HMCES: variants seen among roughly 807,000 people sequenced by gnomAD.
HMCES encodes 5-hydroxymethylcytosine binding, ES cell specific.
HMCES carries 27 observed loss-of-function variants against 35.1 expected under a neutral mutation model. The ratio of observed to expected loss-of-function variants is 0.77; its 90% CI spans 0.57 to 1.06. The LOEUF (loss-of-function observed/expected upper bound fraction) is 1.06, where lower values mean the gene tolerates loss of function less well. Ranked by LOEUF, HMCES falls within the 50% of genes least tolerant of loss-of-function variation. HMCES has a pLI of 0.00. For missense variants in HMCES, 391 were observed against 430.4 expected, an observed-to-expected ratio of 0.91 and a Z score of 0.81; for synonymous variants, 130 against 154.7, an observed-to-expected ratio of 0.84 and a Z score of 1.18.
chr3:129,297,089 G>A (rs1278520717), intron 4 of HMCES, among the ~76,000 whole-genome samples: 1 of 152,174 alleles, frequency 6.6e-6, no homozygotes, highest in Non-Finnish European at 1.5e-5. Context: ...GTTATCCAGT[G>A]TTTAGGGTAA....
chr3:129,304,557 G>A (rs747077575), intron 6 of HMCES, 32 bp from the exon 7 acceptor site: 6 of 1,582,950 alleles, frequency 3.8e-6, no homozygotes, highest in East Asian at 2.2e-5. Context: ...AGCTTGAGCT[G>A]TATGGTTTGA....
chr3:129,296,859 C>T (rs1434986768), intron 4 of HMCES, among the ~76,000 whole-genome samples: 1 of 152,018 alleles, frequency 6.6e-6, no homozygotes, highest in African/African-American at 2.4e-5. Flanking sequence ...CCGCCTCAGC[C>T]TCCCGAGTAG....
At chr3:129,284,672 G>A (rs1316892995) in intron 2 of HMCES, among the ~76,000 whole-genome samples, 1 of 152,142 alleles carries the variant, frequency 6.6e-6, no homozygotes, top group Non-Finnish European at 1.5e-5. Context: ...TGGGAGGCTG[G>A]GAGGCTGAGG....
chr3:129,295,434 C>CAA lies in HMCES; in HGVS notation c.454-2910_454-2909dup, dbSNP rs112901732. ...CCTAGGTGACACAGTGAGACTCTAT[C>CAA]AAAAAAAAAAACAAAAAAAACCCCA... On this transcript the variant is annotated intron_variant, in intron 4 of 6. Coordinates refer to ENST00000383463, the MANE Select transcript of HMCES (RefSeq NM_020187.3). Among the ~76,000 whole-genome samples the CAA allele has an allele frequency of 7.9e-4, 110 of 139,706 alleles. 1 individual carries two copies. The highest frequency in any genetic ancestry group is 1.3e-3 in the Non-Finnish European group (80 of 63,702). The allele number at this position is 139,706 out of a possible 152,430, so 91.7% of individuals were successfully genotyped here.
chr3:129,294,006 T>C (rs1415672999), intron 4 of HMCES, among the ~76,000 whole-genome samples: 2 of 152,220 alleles, frequency 1.3e-5, no homozygotes, highest in African/African-American at 4.8e-5. Flanking sequence ...ATTGTTTTGC[T>C]AGTTTTCTAT....
intron 4 of HMCES, among the ~76,000 whole-genome samples, chr3:129,293,561 CTTTTTTTT>C (rs60989412): frequency 1.5e-4 from 13 of 86,714 alleles, no homozygotes; most frequent in South Asian, 7.7e-4. Context: ...TACATTAATT[CTTTTTTTT>C]TTTTTTTTTT....
At chr3:129,286,954 C>G (rs1940653778) in intron 2 of HMCES, among the ~76,000 whole-genome samples, 1 of 152,114 alleles carries the variant, frequency 6.6e-6, no homozygotes, top group South Asian at 2.1e-4. Context: ...TGGGAGTCCC[C>G]AAGACTGCCC....
At chr3:129,300,504 C>T (rs1349810779) in intron 5 of HMCES, among the ~76,000 whole-genome samples, 1 of 152,216 alleles carries the variant, frequency 6.6e-6, no homozygotes, top group African/African-American at 2.4e-5. Flanking sequence ...GCTGAGTACT[C>T]CCTGAAGTGA....
Position 129,290,771 on chromosome 3 carries a change from C to A in HMCES, c.420C>A (p.Tyr140Ter). 1 of 1,613,350 alleles carries A rather than the reference C, an allele frequency of 6.2e-7. No individual in the cohort carries two copies. The highest frequency in any genetic ancestry group is 1.3e-5 in the African/African-American group (1 of 74,988). Residue 140 changes from tyrosine (Y) to a stop codon, truncating the protein, a stop_gained, in exon 4 of 7, where the codon TAC becomes TAA. Transcript: ENST00000383463. LOFTEE classifies it high-confidence loss of function. ...RCQGTNQRQP[Y>*]FIYFPQIKTE... is the part of the protein sequence containing the mutation. ...AGGGAACAAACCAGAGGCAGCCATA[C>A]TTCATCTATTTTCCTCAAATCAAGA...
chr3:129,280,703 G>C (rs1352160379), intron 2 of HMCES, among the ~76,000 whole-genome samples: 1 of 152,088 alleles, frequency 6.6e-6, no homozygotes, highest in African/African-American at 2.4e-5. Flanking sequence ...CTAGAAACAC[G>C]TATTTGGTTT....
Position 129,304,891 on chromosome 3 carries a change from A to G in HMCES, c.*66A>G. ...GCTGTTCTGATAATAGGTTCTTAACATTGTATGTATATGTGTTTGCTTTGG... is the reference window on the plus strand; with the variant it reads ...GCTGTTCTGATAATAGGTTCTTAACGTTGTATGTATATGTGTTTGCTTTGG... On this transcript the variant is annotated 3_prime_UTR_variant, in exon 7 of 7. Transcript: ENST00000383463. The G allele has an allele frequency of 1.6e-6, 2 of 1,262,044 alleles. No homozygotes were observed. Among genetic ancestry groups the G allele is most frequent in the East Asian group, 2.3e-5 (1 of 43,128 alleles). 78.2% of individuals were successfully genotyped at this position (1,262,044 alleles called of 1,614,324 possible). A position where few individuals can be genotyped will look rare whatever the true frequency, so the allele number is the denominator to read the frequency against.
chr3:129,299,391 A>G (rs368532667), intron 5 of HMCES, among the ~76,000 whole-genome samples: 192 of 152,284 alleles, frequency 1.3e-3, no homozygotes, highest in African/African-American at 4.4e-3. Flanking sequence ...ATGCTATTTA[A>G]TTAAAATTGA....
At chr3:129,294,263 CA>C (rs1238875344) in intron 4 of HMCES, among the ~76,000 whole-genome samples, 18 of 148,530 alleles carry the variant, frequency 1.2e-4, no homozygotes, top group Non-Finnish European at 1.3e-4. Flanking sequence ...ACTAAAAATA[CA>C]AAAAAAAAAT....
At position 129,279,931 on chromosome 3, in the gene HMCES, C is replaced by G. The variant is rs199985977; in HGVS notation, c.183+16C>G. On this transcript the variant is annotated intron_variant, in intron 2 of 6. Transcript: ENST00000383463. The surrounding 1 kb of genome is among the most constrained non-coding windows in gnomAD (Gnocchi z 4.2). ...CTTTGAGAAGGTAACCAGCATTGCA[C>G]TATGCTAGCCCCTCGCCCAGCCTCG... The G allele has an allele frequency of 1.4e-4, 210 of 1,541,802 alleles. 1 individual carries two copies. The highest frequency in any genetic ancestry group is 1.4e-4 in the Non-Finnish European group (157 of 1,146,340).
At chr3:129,293,752 G>A (rs1240680177) in intron 4 of HMCES, among the ~76,000 whole-genome samples, 1 of 151,700 alleles carries the variant, frequency 6.6e-6, no homozygotes, top group African/African-American at 2.4e-5. Flanking sequence ...ATTTTTAGTA[G>A]AGACAGGGTT....
At chr3:129,290,887 T>G in intron 4 of HMCES, 83 bp downstream of exon 4, 1 of 1,346,640 alleles carries the variant, frequency 7.4e-7, no homozygotes, top group Admixed American at 2.0e-5. Context: ...TTCTTCCCCA[T>G]AGTTTTATTT....
At chr3:129,301,571 T>C (rs1460575001) in intron 5 of HMCES, among the ~76,000 whole-genome samples, 2 of 152,242 alleles carry the variant, frequency 1.3e-5, no homozygotes, top group Non-Finnish European at 2.9e-5. Context: ...ATTTTCTTAC[T>C]GTAAGTCTTT....
intron 4 of HMCES, among the ~76,000 whole-genome samples, chr3:129,294,909 G>A (rs2071073036): frequency 6.6e-6 from 1 of 151,124 alleles, no homozygotes; most frequent in Admixed American, 6.6e-5. Flanking sequence ...TGTAATCCCA[G>A]CACTTCGGGA....
At position 129,305,707 on chromosome 3, in the gene HMCES, AC is replaced by A. The variant is rs918820914; in HGVS notation, c.*883del. 7.2e-5 allele frequency: 11 copies of A among 152,334 alleles called. No individual in the cohort carries two copies. Among genetic ancestry groups the A allele is most frequent in the Admixed American group, 2.6e-4 (4 of 15,300 alleles). The allele number at this position is 152,334 out of a possible 1,614,324, so 9.4% of individuals were successfully genotyped here. On this transcript the variant is annotated 3_prime_UTR_variant, in exon 7 of 7. Transcript: ENST00000383463. ...AGGACTGGGCGGCGCCGAGCCCAGA[AC>A]GCTCCTGGCGCAGCACCGTTGGCGT...
Sources: allele counts gnomAD v4.1 joint callset (sites outside exome capture counted in the v4.1 genomes callset), GRCh38; gene constraint gnomAD v4.1.1; non-coding constraint Gnocchi (gnomAD v3.1); transcripts MANE v1.5; gene names NCBI Gene and HGNC (gene_info 2026-07-23, HGNC 2026-07-21).